The following TSPAN14 variants were observed in gnomAD, a reference collection of about 807,000 sequenced individuals.
TSPAN14 encodes tetraspanin 14, also known as tetraspanin-14.
In TSPAN14, 16 loss-of-function variants were observed where a neutral mutation model predicts 36.6. That is an observed-to-expected ratio of 0.44 (90% CI 0.30 to 0.66). TSPAN14 has a LOEUF of 0.66. TSPAN14 is among the 30% of genes least tolerant of loss of function. The pLI is 0.12. For synonymous variants in TSPAN14, 139 were observed against 143.8 expected, an observed-to-expected ratio of 0.97 and a Z score of 0.24; for missense variants, 231 against 355.1, an observed-to-expected ratio of 0.65 and a Z score of 2.81.
intron 1 of TSPAN14, chr10:80,485,580 T>C: frequency 2.1e-6 from 2 of 969,068 alleles, no homozygotes; most frequent in African/African-American, 3.5e-5. Flanking sequence ...GGAGTCCTAA[T>C]GAGTCTCCCA....
chr10:80,512,009 A>AG (rs1269094803), intron 5 of TSPAN14, 135 bp from the exon 6 acceptor site: 2 of 1,364,176 alleles, frequency 1.5e-6, no homozygotes, highest in Non-Finnish European at 2.0e-6. Context: ...CATGGGAGGT[A>AG]GGGGGCGGGC....
In TSPAN14 at chr10:80,500,824, G is replaced by A. The variant is rs544439549; in HGVS notation, c.82-3904G>A. On this transcript the variant is annotated intron_variant, in intron 2 of 8. Coordinates refer to ENST00000429989, the Ensembl canonical transcript of TSPAN14. Reference sequence around the variant, plus strand: ...GCAGAGCGGTAAGCGGCCCTACAGCGGCCCTGCATGTGGGGAAGGGGCGAT... The same window carrying A: ...GCAGAGCGGTAAGCGGCCCTACAGCAGCCCTGCATGTGGGGAAGGGGCGAT... 2.0e-4 allele frequency among the ~76,000 whole-genome samples: 31 copies of A among 152,320 alleles called. 2 individuals are homozygous for A. In the South Asian group the frequency reaches 4.8e-3, roughly 23 times the overall value.
chr10:80,502,014 G>A (rs1848548539), intron 2 of TSPAN14, among the ~76,000 whole-genome samples: 1 of 152,204 alleles, frequency 6.6e-6, no homozygotes, highest in East Asian at 1.9e-4. Flanking sequence ...GTGCCGCGAA[G>A]AAAATCAACA....
At chr10:80,512,318 C>T in intron 6 of TSPAN14, 49 bp downstream of exon 6, 1 of 1,606,658 alleles carries the variant, frequency 6.2e-7, no homozygotes, top group Admixed American at 1.7e-5. Flanking sequence ...TCCTGAAGCC[C>T]AGAAGCTTTC....
Position 80,509,602 on chromosome 10 carries a change from G to A in TSPAN14, c.450+131G>A, listed in dbSNP as rs925656145. 8.4e-6 allele frequency: 8 copies of A among 956,320 alleles called. No homozygotes were observed. The highest frequency in any genetic ancestry group is 5.3e-5 in the East Asian group (2 of 37,686). The allele number at this position is 956,320 out of a possible 1,614,324, so 59.2% of individuals were successfully genotyped here. ...CAGCTTGGCAGACAGCAGGGAGGCC[G>A]TGGAACAAGCCACTCCACCTCTGGT... On this transcript the variant is annotated intron_variant, in intron 5 of 8. Transcript: ENST00000429989. This position sits in a 1 kb window ranked among gnomAD's most constrained non-coding sequence, Gnocchi z 4.7.
Position 80,509,612 on chromosome 10 carries a change from C to T in TSPAN14, c.450+141C>T, listed in dbSNP as rs1840501840. 5 of 826,470 alleles carry T rather than the reference C, an allele frequency of 6.0e-6. No homozygotes were observed. Among genetic ancestry groups the T allele is most frequent in the Non-Finnish European group, 9.3e-6 (5 of 537,242 alleles). The allele number at this position is 826,470 out of a possible 1,614,324, so 51.2% of individuals were successfully genotyped here. ...GACAGCAGGGAGGCCGTGGAACAAG[C>T]CACTCCACCTCTGGTCTGTTCCACT... On this transcript the variant is annotated intron_variant, in intron 5 of 8. Coordinates refer to ENST00000429989, the Ensembl canonical transcript of TSPAN14. The surrounding 1 kb of genome is among the most constrained non-coding windows in gnomAD (Gnocchi z 4.7).
intron 1 of TSPAN14, among the ~76,000 whole-genome samples, chr10:80,484,301 C>T (rs963401908): frequency 1.3e-5 from 2 of 151,640 alleles, no homozygotes; most frequent in African/African-American, 4.8e-5. Context: ...TTTCTAGTGA[C>T]ATTGAAAATT....
intron 6 of TSPAN14, 133 bp from the exon 7 acceptor site, chr10:80,513,886 A>G (rs1334103178): frequency 6.7e-6 from 5 of 744,358 alleles, no homozygotes; most frequent in African/African-American, 1.7e-5. Flanking sequence ...AGTTGGTGGC[A>G]TGATTGAAGG....
At chr10:80,473,678 A>G (rs962895345) in intron 1 of TSPAN14, among the ~76,000 whole-genome samples, 8 of 143,548 alleles carry the variant, frequency 5.6e-5, no homozygotes, top group African/African-American at 7.8e-5. Flanking sequence ...TGCTGCCACC[A>G]TGATGGGTTT....
At chr10:80,455,336 CGTT>C (rs1249881820) in intron 1 of TSPAN14, among the ~76,000 whole-genome samples, 1 of 152,080 alleles carries the variant, frequency 6.6e-6, no homozygotes, top group Admixed American at 6.5e-5. Context: ...GTCACACACT[CGTT>C]GGCTGTGCTG....
At chr10:80,454,335 A>C (rs1270047732) in exon 1 of TSPAN14, 2 of 151,248 alleles carry the variant, frequency 1.3e-5, no homozygotes, top group Admixed American at 1.3e-4. Flanking sequence ...TCCTCGGCCG[A>C]GCCGGGCCGC....
At chr10:80,518,820 G>C (rs1459395354) in exon 9 of TSPAN14, 1 of 152,894 alleles carries the variant, frequency 6.5e-6, no homozygotes, top group Non-Finnish European at 1.5e-5. Flanking sequence ...CTCTCCTCCA[G>C]CATTCTCCTC....
intron 2 of TSPAN14, 112 bp downstream of exon 2, chr10:80,489,426 G>A (rs11203140): frequency 2.5e-6 from 2 of 800,582 alleles, no homozygotes; most frequent in East Asian, 2.8e-5. Flanking sequence ...GGGATAAGGT[G>A]GTGGGCAGGG....
Position 80,507,192 on chromosome 10 carries a change from G to T in TSPAN14, c.133-36G>T, listed in dbSNP as rs201195026. 67 of 1,613,750 alleles carry T rather than the reference G, an allele frequency of 4.2e-5. No homozygotes were observed. In the Middle Eastern group the frequency reaches 8.3e-4, roughly 20 times the overall value. On this transcript the variant is annotated intron_variant, in intron 3 of 8. Transcript: ENST00000429989. ...GGGCAGCATCCTTGACTCCCCTTCT[G>T]GGCCAGTGCTGCCCTGCTTTCTCTG...
At chr10:80,520,691 G>A (rs756847870) in exon 9 of TSPAN14, 9 of 533,294 alleles carry the variant, frequency 1.7e-5, no homozygotes, top group South Asian at 1.3e-4. Flanking sequence ...AGGCCCTATG[G>A]CTCCCTCCCT....
intron 6 of TSPAN14, among the ~76,000 whole-genome samples, chr10:80,513,369 G>A: frequency 6.6e-6 from 1 of 152,164 alleles, no homozygotes; most frequent in East Asian, 1.9e-4. Flanking sequence ...GCCTGGTCCT[G>A]GGTTACAGGC....
chr10:80,512,373 T>C, intron 6 of TSPAN14, 104 bp downstream of exon 6: 1 of 1,486,214 alleles, frequency 6.7e-7, no homozygotes, highest in Non-Finnish European at 9.0e-7. Flanking sequence ...CATGGAGGTC[T>C]GAGGAGCAGG....
At chr10:80,517,299 G>A (rs1840988734) in intron 8 of TSPAN14, among the ~76,000 whole-genome samples, 1 of 152,174 alleles carries the variant, frequency 6.6e-6, no homozygotes, top group Non-Finnish European at 1.5e-5. Context: ...CAGAAGGACT[G>A]ACTAGTCAAA....
chr10:80,475,455 A>G (rs1464959657), intron 1 of TSPAN14, among the ~76,000 whole-genome samples: 1 of 152,172 alleles, frequency 6.6e-6, no homozygotes, highest in East Asian at 1.9e-4. Context: ...GGTCCCAGCT[A>G]CTTGGGAGGC....
Sources: gnomAD v4.1 joint callset for allele counts (sites outside exome capture counted in the v4.1 genomes callset) on GRCh38, gnomAD v4.1.1 for gene constraint, Gnocchi (gnomAD v3.1) non-coding constraint, MANE v1.5 for transcripts, NCBI Gene and HGNC (gene_info 2026-07-23, HGNC 2026-07-21) for gene names.